GTF3C3: variants seen among roughly 807,000 people sequenced by gnomAD.
GTF3C3 encodes the protein general transcription factor 3C polypeptide 3.
GTF3C3 carries 75 observed loss-of-function variants against 105.2 expected under a neutral mutation model. The ratio of observed to expected loss-of-function variants is 0.71; its 90% CI spans 0.59 to 0.86. The LOEUF (loss-of-function observed/expected upper bound fraction) is 0.86, where lower values mean the gene tolerates loss of function less well. GTF3C3 is among the 40% of genes least tolerant of loss of function. The probability of loss-of-function intolerance (pLI) is 0.00; values close to 1 mark genes in which losing one functional copy is unlikely to be tolerated. For missense variants in GTF3C3, 856 were observed against 1,076.5 expected, an observed-to-expected ratio of 0.80 and a Z score of 2.87; for synonymous variants, 335 against 370.4, an observed-to-expected ratio of 0.90 and a Z score of 1.10.
In GTF3C3 at chr2:196,764,648, A is replaced by C. The variant is rs1292250001; in HGVS notation, c.2576T>G (p.Ile859Ser). The change falls in exon 18 of 18, where the codon ATT (isoleucine) becomes AGT (serine). Residue 859 changes from isoleucine to serine, a missense_variant. Coordinates refer to ENST00000263956, the MANE Select transcript of GTF3C3 (RefSeq NM_012086.5). ...ELDQLDLRRD[I>S]AYNLSLIYQS... is the part of the protein sequence containing the mutation. ...ATAGATGAGAGACAAGTTGTAGGCA[A>C]TATCTCTTCGTAAGTCTAACTGGTC... is the stretch of plus-strand genomic sequence containing the variant. 2 of 1,611,432 alleles carry C rather than the reference A, an allele frequency of 1.2e-6. No individual in the cohort carries two copies. Among genetic ancestry groups the C allele is most frequent in the Non-Finnish European group, 1.7e-6 (2 of 1,177,576 alleles).
rs770361944 is a variant in GTF3C3, at chr2:196,799,544, C to T, written c.68G>A (p.Arg23Gln). ...EGKISFEEFE[R>Q]RREERKTREK... is the part of the protein sequence containing the mutation. ...GCGGGTTTTTCTCTCTTCTCTCCGC[C>T]GTTCGAACTCCTCAAAGGAGATTTT... The change falls in exon 1 of 18, where the codon CGG becomes CAG. Residue 23 changes from arginine (R) to glutamine (Q), a missense_variant. Physicochemically the swap from Arg to Gln is conservative, Grantham distance 43. Around this residue, in one of 3 missense-constraint regions of GTF3C3, gnomAD observed 117 missense variants for 114.0 expected, o/e 1.03. Coordinates refer to ENST00000263956, the MANE Select transcript of GTF3C3 (RefSeq NM_012086.5). 6.2e-7 allele frequency: 1 copy of T among 1,614,126 alleles called. No homozygotes were observed. The highest frequency in any genetic ancestry group is 1.7e-5 in the Admixed American group (1 of 60,016).
chr2:196,780,805 T>C (rs1458386350), intron 8 of GTF3C3, 143 bp from the exon 9 acceptor site: 15 of 968,970 alleles, frequency 1.5e-5, no homozygotes, highest in African/African-American at 6.5e-5. Context: ...TAAGTTCTTA[T>C]ATCTCTCTCA....
Position 196,764,369 on chromosome 2 carries a change from ATACAAATTTT to A in GTF3C3, c.*184_*193del. 4.4e-6 allele frequency: 2 copies of A among 458,614 alleles called. No homozygotes were observed. Among genetic ancestry groups the A allele is most frequent in the Admixed American group, 7.3e-5 (2 of 27,226 alleles). 28.4% of individuals were successfully genotyped at this position (458,614 alleles called of 1,614,324 possible). ...TGTGAAAGGAAAATGACAGACCAAT[ATACAAATTTT>A]TGTAGGAATAATTTTGCATATATAC... On this transcript the variant is annotated 3_prime_UTR_variant, in exon 18 of 18. Transcript: ENST00000263956.
intron 15 of GTF3C3, among the ~76,000 whole-genome samples, chr2:196,770,717 TCTTC>T (rs1409249069): frequency 6.6e-6 from 1 of 152,250 alleles, no homozygotes; most frequent in Admixed American, 6.5e-5. Flanking sequence ...TGAAAATTTC[TCTTC>T]CTTCTGGCTT....
chr2:196,764,426 TA>T lies in GTF3C3; in HGVS notation c.*136del. On this transcript the variant is annotated 3_prime_UTR_variant, in exon 18 of 18. Transcript: ENST00000263956. ...ATACCACAAGATCATTATCACATAT[TA>T]AAAATAAATACACTGTTTGTTAGGT... 1 of 790,744 alleles carries T rather than the reference TA, an allele frequency of 1.3e-6. No individual in the cohort carries two copies. Among genetic ancestry groups the T allele is most frequent in the Non-Finnish European group, 1.9e-6 (1 of 527,364 alleles). 49.0% of individuals were successfully genotyped at this position (790,744 alleles called of 1,614,324 possible). A position where few individuals can be genotyped will look rare whatever the true frequency, so the allele number is the denominator to read the frequency against.
chr2:196,764,757 T>C (rs1699031552), intron 17 of GTF3C3, 72 bp from the exon 18 acceptor site: 1 of 1,377,998 alleles, frequency 7.3e-7, no homozygotes, highest in East Asian at 2.3e-5. Flanking sequence ...GGCAAATTAA[T>C]AGTTTTATAA....
chr2:196,773,156 A>G lies in GTF3C3; in HGVS notation c.1832-3T>C. 6.5e-7 allele frequency: 1 copy of G among 1,542,192 alleles called. No homozygotes were observed. Among genetic ancestry groups the G allele is most frequent in the South Asian group, 1.2e-5 (1 of 86,014 alleles). On this transcript the variant is annotated splice_region_variant and splice_polypyrimidine_tract_variant and intron_variant, in intron 13 of 17. Coordinates refer to ENST00000263956, the MANE Select transcript of GTF3C3 (RefSeq NM_012086.5). Reference sequence around the variant, plus strand: ...GCTTGTGAGCACAGCAAATATTGCTAAAATGAGACCAATGAAAACCAGTTA... The same window carrying G: ...GCTTGTGAGCACAGCAAATATTGCTGAAATGAGACCAATGAAAACCAGTTA...
At position 196,764,510 on chromosome 2, in the gene GTF3C3, G is replaced by A; in HGVS notation, c.*53C>T. The stretch of plus-strand genomic sequence containing the variant: ...ACAAATAATAAGCCCTGAGACAGAA[G>A]ACACTGGTCCTCACACAGCAGCTGC... On this transcript the variant is annotated 3_prime_UTR_variant, in exon 18 of 18. Coordinates refer to ENST00000263956, the MANE Select transcript of GTF3C3 (RefSeq NM_012086.5). 1.3e-6 allele frequency: 2 copies of A among 1,517,252 alleles called. No individual in the cohort carries two copies. The highest frequency in any genetic ancestry group is 1.8e-6 in the Non-Finnish European group (2 of 1,119,058). 94.0% of individuals were successfully genotyped at this position (1,517,252 alleles called of 1,614,324 possible). A position where few individuals can be genotyped will look rare whatever the true frequency, so the allele number is the denominator to read the frequency against.
intron 13 of GTF3C3, among the ~76,000 whole-genome samples, chr2:196,774,402 T>C (rs1404303636): frequency 6.6e-6 from 1 of 152,170 alleles, no homozygotes; most frequent in Non-Finnish European, 1.5e-5. Flanking sequence ...AAAATGTCTA[T>C]GAGAAAATGT....
Position 196,791,478 on chromosome 2 carries a change from G to T in GTF3C3, c.412-18C>A, listed in dbSNP as rs770818692. On this transcript the variant is annotated intron_variant, in intron 3 of 17. Coordinates refer to ENST00000263956, the MANE Select transcript of GTF3C3 (RefSeq NM_012086.5). ...CTTTTCTCCTGTATGGAAGAAAAATGACATTTAGATTAAAATATAGTGAAG... is the reference window on the plus strand; with the variant it reads ...CTTTTCTCCTGTATGGAAGAAAAATTACATTTAGATTAAAATATAGTGAAG... 39 of 1,600,198 alleles carry T rather than the reference G, an allele frequency of 2.4e-5. No homozygotes were observed. In the East Asian group the frequency reaches 7.4e-4, roughly 30 times the overall value.
chr2:196,780,335 T>C, intron 9 of GTF3C3: 1 of 1,162,472 alleles, frequency 8.6e-7, no homozygotes, highest in Non-Finnish European at 1.1e-6. Flanking sequence ...AATTATGATC[T>C]TTAGATTGTT....
intron 17 of GTF3C3, among the ~76,000 whole-genome samples, chr2:196,766,293 G>C (rs906850026): frequency 6.6e-6 from 1 of 151,906 alleles, no homozygotes; most frequent in African/African-American, 2.4e-5. Context: ...CAGAGGTTAC[G>C]TCTACCAGTT....
At chr2:196,795,853 C>T (rs1028107150) in intron 2 of GTF3C3, among the ~76,000 whole-genome samples, 1 of 152,100 alleles carries the variant, frequency 6.6e-6, no homozygotes, top group African/African-American at 2.4e-5. Context: ...ATTATTAAGT[C>T]ACAGATGACA....
intron 2 of GTF3C3, among the ~76,000 whole-genome samples, chr2:196,794,390 A>T (rs895855774): frequency 6.6e-6 from 1 of 152,224 alleles, no homozygotes; most frequent in Non-Finnish European, 1.5e-5. Flanking sequence ...TTAAGTATAT[A>T]TAGAGAGATA....
At position 196,789,243 on chromosome 2, in the gene GTF3C3, T is replaced by G. The variant is rs780172045; in HGVS notation, c.854A>C (p.Asp285Ala). ...RRILNLLSPS[D>A]GERFMQLARD... ...AGCCAGCTGCATAAAACGTTCGCCATCAGATGGAGACAAAAGGTTTAAAAT... is the reference window on the plus strand; with the variant it reads ...AGCCAGCTGCATAAAACGTTCGCCAGCAGATGGAGACAAAAGGTTTAAAAT... Residue 285 changes from aspartate (D) to alanine (A), a missense_variant, in exon 6 of 18, where the codon GAT becomes GCT. Asp to Ala is a moderately radical substitution (Grantham distance 126). Transcript: ENST00000263956. 1 of 1,612,874 alleles carries G rather than the reference T, an allele frequency of 6.2e-7. No individual in the cohort carries two copies. Among genetic ancestry groups the G allele is most frequent in the Non-Finnish European group, 8.5e-7 (1 of 1,179,578 alleles).
rs200063975 is a variant in GTF3C3, at chr2:196,775,288, A to G, written c.1696-37T>C. On this transcript the variant is annotated intron_variant, in intron 12 of 17. Coordinates refer to ENST00000263956, the MANE Select transcript of GTF3C3 (RefSeq NM_012086.5). ...ATGAAGATTTCAGATTCTTTAAACA[A>G]TAACTGTTTTGTTTAGAGACAAAGT... 69 of 1,574,358 alleles carry G rather than the reference A, an allele frequency of 4.4e-5. No homozygotes were observed. The African/African-American group carries it at 7.7e-4, about 17-fold the overall frequency.
chr2:196,796,889 G>A (rs967877073), intron 2 of GTF3C3, among the ~76,000 whole-genome samples: 1 of 152,104 alleles, frequency 6.6e-6, no homozygotes, highest in Non-Finnish European at 1.5e-5. Context: ...CCACTTTCCT[G>A]GCAGAATAAG....
At chr2:196,793,505 G>A (rs1369165951) in intron 2 of GTF3C3, among the ~76,000 whole-genome samples, 5 of 152,168 alleles carry the variant, frequency 3.3e-5, no homozygotes, top group African/African-American at 7.2e-5. Flanking sequence ...GGTGGTATAC[G>A]ATAGTGGTTA....
chr2:196,763,783 TAAAC>T lies in GTF3C3; in HGVS notation c.*776_*779del, dbSNP rs781450990. On this transcript the variant is annotated 3_prime_UTR_variant, in exon 18 of 18. Coordinates refer to ENST00000263956, the MANE Select transcript of GTF3C3 (RefSeq NM_012086.5). Reference sequence around the variant, plus strand: ...ACATATAATAAATAGTGGAGATGAGTAAACAAACAAAAAAAAAGTTTTTTACTTT... The same window carrying T: ...ACATATAATAAATAGTGGAGATGAGTAAACAAAAAAAAAGTTTTTTACTTT... The T allele has an allele frequency of 2.6e-5, 4 of 152,100 alleles. No homozygotes were observed. Among genetic ancestry groups the T allele is most frequent in the Admixed American group, 6.6e-5 (1 of 15,266 alleles). 9.4% of individuals were successfully genotyped at this position (152,100 alleles called of 1,614,324 possible).
Sources: allele counts gnomAD v4.1 joint callset (sites outside exome capture counted in the v4.1 genomes callset), GRCh38; gene constraint gnomAD v4.1.1; regional missense constraint gnomAD v4.1.1; transcripts MANE v1.5; gene names NCBI Gene and HGNC (gene_info 2026-07-23, HGNC 2026-07-21).